The following SIRT1 variants were observed in gnomAD, a reference collection of about 807,000 sequenced individuals.
The protein encoded by SIRT1 is NAD-dependent protein deacetylase sirtuin-1.
SIRT1 carries 24 observed loss-of-function variants against 67.9 expected under a neutral mutation model. The observed-to-expected ratio is 0.35, with a 90% confidence interval of 0.26 to 0.50. SIRT1 has a LOEUF of 0.50. Ranked by LOEUF, SIRT1 falls within the 20% of genes least tolerant of loss-of-function variation. The pLI, the probability that SIRT1 is intolerant of heterozygous loss-of-function variation, is 0.98. For missense variants in SIRT1, 873 were observed against 937.2 expected (o/e 0.93, Z 0.89); for synonymous variants, 378 against 350.7 (o/e 1.08, Z -0.87).
Position 67,884,693 on chromosome 10 carries a change from G to T in SIRT1, c.-29G>T. ...CGTCGAGCGGGAGCAGAGGAGGCGA[G>T]GGAGGAGGGCCAGAGAGGCAGTTGG... is the stretch of plus-strand genomic sequence containing the variant. On this transcript the variant is annotated 5_prime_UTR_variant, in exon 1 of 9. It adds an upstream start codon to the 5' untranslated region. Transcript: ENST00000212015. 8.1e-7 allele frequency: 1 copy of T among 1,227,978 alleles called. No individual in the cohort carries two copies. The allele number at this position is 1,227,978 out of a possible 1,614,324, so 76.1% of individuals were successfully genotyped here.
chr10:67,893,905 A>G lies in SIRT1; in HGVS notation c.942+2351A>G, dbSNP rs1176380166. Among the ~76,000 whole-genome samples, 5 of 152,216 alleles carry G rather than the reference A, an allele frequency of 3.3e-5. No homozygotes were observed. In the East Asian group the frequency reaches 7.7e-4, roughly 23 times the overall value. On this transcript the variant is annotated intron_variant, in intron 4 of 8. Coordinates refer to ENST00000212015, the MANE Select transcript of SIRT1 (RefSeq NM_012238.5). ...CTTATCTACTTTCAGACCATGTGGTATATTTACATGACTACAGGAGAAGCT... is the reference window on the plus strand; with the variant it reads ...CTTATCTACTTTCAGACCATGTGGTGTATTTACATGACTACAGGAGAAGCT...
chr10:67,889,834 C>T (rs1248431075), intron 3 of SIRT1, among the ~76,000 whole-genome samples: 2 of 152,068 alleles, frequency 1.3e-5, no homozygotes, highest in Non-Finnish European at 2.9e-5. Flanking sequence ...TTAAATTGAC[C>T]TTGACTCCAG....
chr10:67,894,940 C>T (rs1352346148), intron 4 of SIRT1, among the ~76,000 whole-genome samples: 1 of 152,136 alleles, frequency 6.6e-6, no homozygotes, highest in East Asian at 1.9e-4. Context: ...TCGTGATCCG[C>T]CCGTTTCAGC....
intron 7 of SIRT1, among the ~76,000 whole-genome samples, chr10:67,911,835 A>G (rs540479839): frequency 1.4e-4 from 19 of 132,052 alleles, no homozygotes; most frequent in African/African-American, 4.4e-4. Context: ...CTGGAGTGCA[A>G]TGGCATGATC....
At chr10:67,891,273 ATTTC>A (rs926030742) in intron 3 of SIRT1, 125 bp from the exon 4 acceptor site, 22 of 735,798 alleles carry the variant, frequency 3.0e-5, no homozygotes, top group Non-Finnish European at 3.8e-5. Flanking sequence ...TTGTATTTTT[ATTTC>A]TTAAAAGAAG....
intron 4 of SIRT1, among the ~76,000 whole-genome samples, chr10:67,900,458 T>C (rs1842724778): frequency 6.6e-6 from 1 of 151,136 alleles, no homozygotes; most frequent in South Asian, 2.1e-4. Context: ...CATCTTATTG[T>C]TTGAGACGGG....
In SIRT1 at chr10:67,913,774, T is replaced by G. The variant is rs530616128; in HGVS notation, c.1915+743T>G. Reference sequence around the variant, plus strand: ...TTAGCTATAACAGTCTTATATAACTTAGAACTTTAAGTCTCATTCCATTTA... The same window carrying G: ...TTAGCTATAACAGTCTTATATAACTGAGAACTTTAAGTCTCATTCCATTTA... On this transcript the variant is annotated intron_variant, in intron 8 of 8. Coordinates refer to ENST00000212015, the MANE Select transcript of SIRT1 (RefSeq NM_012238.5). Among the ~76,000 whole-genome samples, 3 of 152,330 alleles carry G rather than the reference T, an allele frequency of 2.0e-5. No individual in the cohort carries two copies. The South Asian group carries it at 6.2e-4, about 32-fold the overall frequency.
Position 67,912,612 on chromosome 10 carries a change from A to C in SIRT1, c.1496A>C (p.Lys499Thr), listed in dbSNP as rs549636735. ...LCHRLGGEYA[K>T]LCCNPVKLSE... is the part of the protein sequence containing the mutation. ...CATAGGTTAGGTGGTGAATATGCCAAACTTTGCTGTAACCCTGTAAAGCTT... is the reference window on the plus strand; with the variant it reads ...CATAGGTTAGGTGGTGAATATGCCACACTTTGCTGTAACCCTGTAAAGCTT... Residue 499 changes from lysine to threonine, a missense_variant, in exon 8 of 9, where the codon AAA (lysine) becomes ACA (threonine). Lys to Thr is a moderately conservative substitution (Grantham distance 78, BLOSUM62 -1). Transcript: ENST00000212015. 6 of 1,614,168 alleles carry C rather than the reference A, an allele frequency of 3.7e-6. No individual in the cohort carries two copies. The highest frequency in any genetic ancestry group is 1.6e-4 in the Middle Eastern group (1 of 6,062).
chr10:67,885,941 CTTTTTTTTTTT>C (rs766544980), intron 1 of SIRT1, among the ~76,000 whole-genome samples: 12 of 95,560 alleles, frequency 1.3e-4, no homozygotes, highest in Non-Finnish European at 1.8e-4. Flanking sequence ...TTGAAGGTTT[CTTTTTTTTTTT>C]TTTTTTTTTT....
At chr10:67,906,371 T>G in intron 4 of SIRT1, 1 of 1,401,496 alleles carries the variant, frequency 7.1e-7, no homozygotes, top group Non-Finnish European at 9.7e-7. Context: ...TTAAATATTC[T>G]TGTATTGACA....
intron 4 of SIRT1, among the ~76,000 whole-genome samples, chr10:67,896,761 CAAAAA>C (rs35899726): frequency 8.8e-5 from 5 of 56,736 alleles, no homozygotes; most frequent in South Asian, 5.9e-4. Context: ...GAATCTGTCT[CAAAAA>C]AAAAAAAAAA....
intron 4 of SIRT1, among the ~76,000 whole-genome samples, chr10:67,893,501 T>TAGGG (rs777653940): frequency 1.3e-4 from 20 of 152,008 alleles, no homozygotes; most frequent in Non-Finnish European, 2.6e-4. Flanking sequence ...AAGTTGTGAA[T>TAGGG]AGGGACTTCT....
chr10:67,891,041 AAAC>A (rs1426593230), intron 3 of SIRT1, among the ~76,000 whole-genome samples: 3 of 151,546 alleles, frequency 2.0e-5, no homozygotes, highest in Non-Finnish European at 4.4e-5. Flanking sequence ...AAAAAAAAAA[AAAC>A]AAAAAAAAAA....
At chr10:67,887,344 T>G in intron 1 of SIRT1, 73 bp from the exon 2 acceptor site, 1 of 910,300 alleles carries the variant, frequency 1.1e-6, no homozygotes, top group Non-Finnish European at 1.8e-6. Context: ...TGAAAATGAT[T>G]GCTCTATAAC....
intron 3 of SIRT1, among the ~76,000 whole-genome samples, chr10:67,889,666 A>G (rs921235737): frequency 1.3e-5 from 2 of 152,234 alleles, no homozygotes; most frequent in Non-Finnish European, 2.9e-5. Flanking sequence ...TGTGTTTTAT[A>G]CAGAGTATAT....
Position 67,884,899 on chromosome 10 carries a change from G to T in SIRT1, c.178G>T (p.Val60Leu). The change falls in exon 1 of 9, where the codon GTG becomes TTG. Residue 60 changes from valine to leucine, a missense_variant. Transcript: ENST00000212015. ...CGGTGGGGCGGCCCCAGAGCGTGAGGTGCCGGCGGCGGCCAGGGGCTGCCC... is the reference window on the plus strand; with the variant it reads ...CGGTGGGGCGGCCCCAGAGCGTGAGTTGCCGGCGGCGGCCAGGGGCTGCCC... ...EPGGAAPERE[V>L]PAAARGCPGA... 1 of 1,220,352 alleles carries T rather than the reference G, an allele frequency of 8.2e-7. No individual in the cohort carries two copies. The highest frequency in any genetic ancestry group is 1.0e-6 in the Non-Finnish European group (1 of 980,590). The allele number at this position is 1,220,352 out of a possible 1,614,324, so 75.6% of individuals were successfully genotyped here.
chr10:67,909,920 C>T (rs996533833), intron 7 of SIRT1, among the ~76,000 whole-genome samples: 2 of 152,018 alleles, frequency 1.3e-5, no homozygotes, highest in Non-Finnish European at 2.9e-5. Flanking sequence ...TTGTGTTGCC[C>T]AGGCTGGATT....
intron 4 of SIRT1, among the ~76,000 whole-genome samples, chr10:67,898,907 C>T (rs1458323698): frequency 6.6e-6 from 1 of 152,098 alleles, no homozygotes; most frequent in Admixed American, 6.6e-5. Flanking sequence ...AATAAACTTA[C>T]TTTCTGTGAG....
intron 4 of SIRT1, among the ~76,000 whole-genome samples, chr10:67,899,813 G>A (rs1842713524): frequency 6.6e-6 from 1 of 151,938 alleles, no homozygotes; most frequent in African/African-American, 2.4e-5. Context: ...GGCCAGGTGC[G>A]GTGGCTCACA....
Sources: gnomAD v4.1 joint callset for allele counts (sites outside exome capture counted in the v4.1 genomes callset) on GRCh38, gnomAD v4.1.1 for gene constraint, MANE v1.5 for transcripts, NCBI Gene and HGNC (gene_info 2026-07-23, HGNC 2026-07-21) for gene names.